Variants in STS observed in about 807,000 individuals in gnomAD.
The protein encoded by STS is steroid sulfatase, also known as steryl-sulfatase.
A neutral mutation model predicts 26.8 loss-of-function variants in STS; 7 were observed. The observed-to-expected ratio is 0.26, with a 90% CI of 0.15 to 0.49. STS has a LOEUF of 0.49. Among genes scored for constraint, STS ranks in the 20% least tolerant of loss-of-function variants. STS has a pLI of 0.98. For missense variants in STS, 434 were observed against 465.6 expected (o/e 0.93, Z 0.63); for synonymous variants, 199 against 189.4 (o/e 1.05, Z -0.42).
intron 9 of STS, among the ~76,000 whole-genome samples, chrX:7,328,507 C>T (rs752744468): frequency 9.1e-6 from 1 of 109,892 alleles, no homozygotes; most frequent in South Asian, 3.9e-4. Flanking sequence ...GAAGATTCCC[C>T]TCTGTTTCTG....
At chrX:7,168,901 TATC>T (rs764523643) in intron 1 of STS, among the ~76,000 whole-genome samples, 25 of 111,819 alleles carry the variant, frequency 2.2e-4, no homozygotes, top group Non-Finnish European at 3.6e-4. Context: ...GGGGATGTCA[TATC>T]ATGCTAGTGA....
At chrX:7,309,911 A>G (rs1463940854) in intron 8 of STS, among the ~76,000 whole-genome samples, 2 of 111,964 alleles carry the variant, frequency 1.8e-5, no homozygotes, top group East Asian at 5.6e-4. Context: ...TACTTTGGAT[A>G]TAATTCTGGT....
chrX:7,151,397 A>T (rs952841100), intron 1 of STS, among the ~76,000 whole-genome samples: 1 of 112,190 alleles, frequency 8.9e-6, no homozygotes, highest in Non-Finnish European at 1.9e-5. Context: ...CTGAGAGACC[A>T]GAAAGCTCTG....
intron 2 of STS, among the ~76,000 whole-genome samples, chrX:7,209,572 A>T (rs950979032): frequency 1.9e-5 from 2 of 106,533 alleles, no homozygotes; most frequent in Non-Finnish European, 3.9e-5. Flanking sequence ...CCACAGATTT[A>T]AAAAAATATT....
intron 7 of STS, among the ~76,000 whole-genome samples, chrX:7,296,308 G>A (rs1158915944): frequency 8.9e-6 from 1 of 112,064 alleles, no homozygotes; most frequent in Non-Finnish European, 1.9e-5. Flanking sequence ...ATACCAAACA[G>A]CAAATGGCTG....
chrX:7,349,686 G>A (rs1409299959), intron 10 of STS, among the ~76,000 whole-genome samples: 13 of 111,408 alleles, frequency 1.2e-4, no homozygotes, highest in South Asian at 7.6e-4. Context: ...CAAGTTTGAC[G>A]CTGTTCCTGC....
At chrX:7,193,617 T>C (rs1475682734) in intron 2 of STS, among the ~76,000 whole-genome samples, 1 of 111,530 alleles carries the variant, frequency 9.0e-6, no homozygotes, top group East Asian at 2.8e-4. Context: ...CATTATCCTT[T>C]CCTAATGTTC....
intron 2 of STS, among the ~76,000 whole-genome samples, chrX:7,235,513 C>A (rs1270653055): frequency 8.9e-6 from 1 of 112,009 alleles, no homozygotes; most frequent in Non-Finnish European, 1.9e-5. Context: ...TGGTTCACGC[C>A]TGTAATCTCA....
intron 3 of STS, among the ~76,000 whole-genome samples, chrX:7,256,627 G>C (rs189495451): frequency 9.0e-6 from 1 of 111,522 alleles, no homozygotes; most frequent in Non-Finnish European, 1.9e-5. Flanking sequence ...GATGTGGATC[G>C]GAGAAGAGTG....
intron 7 of STS, among the ~76,000 whole-genome samples, chrX:7,289,720 G>A (rs1360338142): frequency 1.8e-5 from 2 of 111,412 alleles, no homozygotes; most frequent in African/African-American, 6.5e-5. Flanking sequence ...GTGCAGTGGC[G>A]TGATCTCGGC....
chrX:7,148,203 C>T (rs1932925939), intron 1 of STS, 120 bp downstream of exon 1: 5 of 530,532 alleles, frequency 9.4e-6, no homozygotes, highest in Admixed American at 5.3e-5. Flanking sequence ...CCTTCTCGCG[C>T]GCCCGGGGTC....
intron 2 of STS, among the ~76,000 whole-genome samples, chrX:7,235,274 T>C (rs1249856656): frequency 9.0e-6 from 1 of 111,658 alleles, no homozygotes; most frequent in Non-Finnish European, 1.9e-5. Context: ...ATGGGCCTTC[T>C]GGATCTCATT....
At chrX:7,270,759 C>G (rs1924228697) in intron 6 of STS, among the ~76,000 whole-genome samples, 1 of 111,774 alleles carries the variant, frequency 8.9e-6, no homozygotes, top group African/African-American at 3.3e-5. Flanking sequence ...AAGGAGGATT[C>G]CCCTGCATTC....
At chrX:7,334,757 G>C (rs1927931622) in intron 10 of STS, among the ~76,000 whole-genome samples, 2 of 112,722 alleles carry the variant, frequency 1.8e-5, no homozygotes, top group Admixed American at 1.9e-4. Flanking sequence ...ATGCATATTT[G>C]CTACATTTAG....
At chrX:7,248,675 T>TAA (rs201685001) in intron 2 of STS, among the ~76,000 whole-genome samples, 4 of 111,544 alleles carry the variant, frequency 3.6e-5, no homozygotes, top group Admixed American at 2.9e-4. Flanking sequence ...GAATTTTTCT[T>TAA]GTTTTTTTAA....
At position 7,351,715 on chromosome X, in the gene STS, A is replaced by C. The variant is rs749064779; in HGVS notation, c.*1454A>C. 1 of 111,088 alleles carries C rather than the reference A, an allele frequency of 9.0e-6. No homozygotes were observed. The highest frequency in any genetic ancestry group is 2.8e-4 in the East Asian group (1 of 3,529). The allele number at this position is 111,088 out of a possible 1,213,427, so 9.2% of individuals were successfully genotyped here. On this transcript the variant is annotated 3_prime_UTR_variant, in exon 11 of 11. Coordinates refer to ENST00000674429, the MANE Select transcript of STS (RefSeq NM_001320752.2). ...TTTGCTCAATTCCAAGACAGTGCCC[A>C]TGAATGGGACACCTGTAATGTAACC... is the stretch of plus-strand genomic sequence containing the variant.
chrX:7,270,210 T>C (rs1275708451), intron 6 of STS, among the ~76,000 whole-genome samples: 1 of 112,199 alleles, frequency 8.9e-6, no homozygotes, highest in Non-Finnish European at 1.9e-5. Flanking sequence ...ACTGAAGTAC[T>C]CCAGCTAATA....
In STS at chrX:7,150,277, G is replaced by A. The variant is rs1385232503; in HGVS notation, c.-134+2194G>A. On this transcript the variant is annotated intron_variant, in intron 1 of 10. Transcript: ENST00000674429. ...CACTCTGTCACCCAGGCTGGAGCAC[G>A]GTGGCGCAATCTCTGCTCACTGCAG... Among the ~76,000 whole-genome samples, 4 of 111,319 alleles carry A rather than the reference G, an allele frequency of 3.6e-5. No individual in the cohort carries two copies. The South Asian group carries it at 1.1e-3, about 32-fold the overall frequency.
intron 1 of STS, among the ~76,000 whole-genome samples, chrX:7,161,529 T>C (rs1933245536): frequency 8.9e-6 from 1 of 112,001 alleles, no homozygotes; most frequent in South Asian, 3.7e-4. Context: ...ATGGATGATT[T>C]TTTCCCCAAA....
Sources: allele counts gnomAD v4.1 joint callset (sites outside exome capture counted in the v4.1 genomes callset), GRCh38; gene constraint gnomAD v4.1.1; transcripts MANE v1.5; gene names NCBI Gene and HGNC (gene_info 2026-07-23, HGNC 2026-07-21).